XPC: variants seen among roughly 807,000 people sequenced by gnomAD.
XPC encodes the protein DNA repair protein complementing XP-C cells.
Under a neutral mutation model 95.8 loss-of-function variants are expected in XPC, and 76 were observed. The ratio of observed to expected loss-of-function variants is 0.79; its 90% CI spans 0.66 to 0.96. The LOEUF (loss-of-function observed/expected upper bound fraction) is 0.96. XPC is among the 40% of genes least tolerant of loss of function. The pLI, the probability that XPC is intolerant of heterozygous loss-of-function variation, is 0.00. For synonymous variants in XPC, 442 were observed against 442.1 expected (o/e 1.00, Z 0.00); for missense variants, 1,146 against 1,179.8 (o/e 0.97, Z 0.42).
chr3:14,165,654 C>G, intron 5 of XPC, 69 bp from the exon 6 acceptor site: 3 of 1,568,720 alleles, frequency 1.9e-6, no homozygotes, highest in Non-Finnish European at 2.6e-6. Context: ...TTTTTGCTGC[C>G]AAAGTCAAGA....
At chr3:14,156,673 C>A (rs1043012759) in intron 9 of XPC, among the ~76,000 whole-genome samples, 178 bp from the exon 10 acceptor site, 7 of 152,168 alleles carry the variant, frequency 4.6e-5, no homozygotes, top group Admixed American at 6.5e-5. Context: ...AGTTACAGAT[C>A]AATCAAAAGC....
At chr3:14,147,215 G>T in intron 15 of XPC, 75 bp downstream of exon 15, 1 of 1,469,416 alleles carries the variant, frequency 6.8e-7, no homozygotes, top group Non-Finnish European at 9.3e-7. Context: ...GCAGAATCTG[G>T]GCCAGGCCTT....
At chr3:14,147,872 G>C (rs371567085) in intron 14 of XPC, 36 bp downstream of exon 14, 1 of 1,551,130 alleles carries the variant, frequency 6.4e-7, no homozygotes, top group Non-Finnish European at 8.8e-7. Context: ...GTTGCTTCCC[G>C]CTTCTGCTGT....
chr3:14,168,087 C>T (rs543267572), intron 4 of XPC, among the ~76,000 whole-genome samples, 170 bp downstream of exon 4: 47 of 152,292 alleles, frequency 3.1e-4, no homozygotes, highest in Non-Finnish European at 6.0e-4. Context: ...AGCCAGGACA[C>T]GAAGGTGTCT....
At chr3:14,168,927 T>A (rs1696501320) in intron 3 of XPC, among the ~76,000 whole-genome samples, 1 of 152,240 alleles carries the variant, frequency 6.6e-6, no homozygotes, top group Non-Finnish European at 1.5e-5. Flanking sequence ...AGGACTGAAC[T>A]TGCTGAACTG....
At chr3:14,163,262 A>G (rs148539591) in intron 7 of XPC, among the ~76,000 whole-genome samples, 134 of 152,362 alleles carry the variant, frequency 8.8e-4, no homozygotes, top group African/African-American at 2.9e-3. Context: ...GTATATACCC[A>G]AAAGAACAGA....
At position 14,165,449 on chromosome 3, in the gene XPC, T is replaced by C; in HGVS notation, c.758A>G (p.Tyr253Cys). 1 of 1,597,214 alleles carries C rather than the reference T, an allele frequency of 6.3e-7. No homozygotes were observed. Among genetic ancestry groups the C allele is most frequent in the Non-Finnish European group, 8.5e-7 (1 of 1,171,748 alleles). Residue 253 changes from tyrosine (Y) to cysteine (C), a missense_variant, in exon 6 of 16, where the codon TAC (tyrosine) becomes TGC (cysteine). Tyr to Cys is a radical substitution (Grantham distance 194). Coordinates refer to ENST00000285021, the MANE Select transcript of XPC (RefSeq NM_004628.5). Reference protein sequence around the residue: ...RVLPRDVDTYYLSNLVKWFIG... With the variant: ...RVLPRDVDTYCLSNLVKWFIG... ...TTACCACTTCACCAGGTTTGAGAGG[T>C]AGTAGGTGTCCACATCTCGAGGCAG...
chr3:14,159,801 C>A lies in XPC; in HGVS notation c.930G>T (p.Gln310His). The A allele has an allele frequency of 6.4e-7, 1 of 1,559,922 alleles. No individual in the cohort carries two copies. ...HIFLLILRALQLLTRLVLSLQ... is the reference protein window; with the variant it reads ...HIFLLILRALHLLTRLVLSLQ... ...GAGACAATACCAGCCGGGTCAAGAG[C>A]TGCAGAGCCCGGAGAATCAGTAAGA... Residue 310 changes from glutamine to histidine, a missense_variant, in exon 8 of 16, where the codon CAG becomes CAT. Transcript: ENST00000285021.
Position 14,172,877 on chromosome 3 carries a change from C to T in XPC, c.289G>A (p.Asp97Asn), listed in dbSNP as rs1696666880. The T allele has an allele frequency of 6.2e-7, 1 of 1,613,808 alleles. No individual in the cohort carries two copies. Among genetic ancestry groups the T allele is most frequent in the South Asian group, 1.1e-5 (1 of 91,050 alleles). ...TTGCAGACATCTCACCTGAGGTCAT[C>T]CCCATCGCTGAGGGCTTCATCCTTT... Reference protein sequence around the residue: ...VIKDEALSDGDDLRDFPSDLK... With the variant: ...VIKDEALSDGNDLRDFPSDLK... Residue 97 changes from aspartate to asparagine, a missense_variant, in exon 2 of 16, where the codon GAT becomes AAT. Physicochemically the swap from Asp to Asn is conservative, Grantham distance 23. Coordinates refer to ENST00000285021, the MANE Select transcript of XPC (RefSeq NM_004628.5).
intron 6 of XPC, 24 bp from the exon 7 acceptor site, chr3:14,164,957 T>C: frequency 1.2e-6 from 2 of 1,603,056 alleles, no homozygotes; most frequent in South Asian, 2.2e-5. Context: ...AGGCATTCCT[T>C]GTGTCAGAGG....
intron 10 of XPC, chr3:14,153,547 ATGC>A (rs1695783393): frequency 6.0e-6 from 1 of 165,874 alleles, no homozygotes. Flanking sequence ...GCTATGACCC[ATGC>A]TACATACAAC....
chr3:14,168,035 T>C (rs764239268), intron 4 of XPC, among the ~76,000 whole-genome samples: 6 of 152,178 alleles, frequency 3.9e-5, no homozygotes, highest in Non-Finnish European at 5.9e-5. Context: ...TGCTCAATCC[T>C]TGGCACACAG....
chr3:14,148,030 T>C, intron 13 of XPC, 29 bp from the exon 14 acceptor site: 1 of 1,534,508 alleles, frequency 6.5e-7, no homozygotes, highest in Non-Finnish European at 8.8e-7. Context: ...ATGTCAACCC[T>C]CGAACCTGCT....
chr3:14,161,629 TA>T (rs199661800), intron 7 of XPC, among the ~76,000 whole-genome samples: 4,763 of 122,728 alleles, frequency 0.039, 210 homozygotes, highest in East Asian at 0.22. Context: ...CTTTCATGAT[TA>T]AAAAAAAAAA....
chr3:14,170,422 A>G lies in XPC; in HGVS notation c.412+16T>C. The G allele has an allele frequency of 6.2e-7, 1 of 1,609,810 alleles. No homozygotes were observed. The highest frequency in any genetic ancestry group is 8.5e-7 in the Non-Finnish European group (1 of 1,176,270). ...ACAGAACCAAACAGTTCTGAAAACA[A>G]AGAAAGATGTTTCACCTTCAACCTC... On this transcript the variant is annotated intron_variant, in intron 3 of 15. Coordinates refer to ENST00000285021, the MANE Select transcript of XPC (RefSeq NM_004628.5).
At chr3:14,169,461 G>C (rs1381628265) in intron 3 of XPC, among the ~76,000 whole-genome samples, 2 of 152,168 alleles carry the variant, frequency 1.3e-5, no homozygotes, top group Non-Finnish European at 2.9e-5. Flanking sequence ...CTTCAAAAAA[G>C]GCAGTGCTAT....
chr3:14,171,629 G>A (rs1479683703), intron 2 of XPC, among the ~76,000 whole-genome samples: 1 of 152,180 alleles, frequency 6.6e-6, no homozygotes, highest in African/African-American at 2.4e-5. Context: ...CAGATCACCT[G>A]AGGTCAGGAG....
chr3:14,163,686 C>T (rs772615262), intron 7 of XPC, among the ~76,000 whole-genome samples: 4 of 152,208 alleles, frequency 2.6e-5, no homozygotes, highest in Non-Finnish European at 4.4e-5. Context: ...GGTAGTTGCA[C>T]AACATTGTAA....
At chr3:14,178,288 G>A in intron 1 of XPC, 178 bp downstream of exon 1, 1 of 696,812 alleles carries the variant, frequency 1.4e-6, no homozygotes, top group African/African-American at 1.9e-5. Flanking sequence ...TGGGTGCGCA[G>A]GACAAAGACG....
Sources: gnomAD v4.1 joint callset for allele counts (sites outside exome capture counted in the v4.1 genomes callset) on GRCh38, gnomAD v4.1.1 for gene constraint, MANE v1.5 for transcripts, NCBI Gene and HGNC (gene_info 2026-07-23, HGNC 2026-07-21) for gene names.